Variants in MAP3K5 observed in about 807,000 individuals in gnomAD.
The protein encoded by MAP3K5 is mitogen-activated protein kinase kinase kinase 5, also known as ASK-1.
MAP3K5 carries 56 observed loss-of-function variants against 158.7 expected under a neutral mutation model. The ratio of observed to expected loss-of-function variants is 0.35; its 90% CI spans 0.28 to 0.44. The LOEUF is 0.44. MAP3K5 is among the 20% of genes least tolerant of loss of function. MAP3K5 has a pLI of 1.00. For synonymous variants in MAP3K5, 579 were observed against 601.7 expected (o/e 0.96, Z 0.55); for missense variants, 1,294 against 1,674.8 (o/e 0.77, Z 3.97).
intron 29 of MAP3K5, among the ~76,000 whole-genome samples, chr6:136,558,253 C>T (rs1382137149): frequency 6.6e-6 from 1 of 152,064 alleles, no homozygotes; most frequent in Non-Finnish European, 1.5e-5. Context: ...GTGGTGGGCG[C>T]CTATAGTCCC....
In MAP3K5 at chr6:136,613,075, C is replaced by G. The variant is rs757247602; in HGVS notation, c.2415+45G>C. On this transcript the variant is annotated intron_variant, in intron 17 of 29. Transcript: ENST00000359015. This position sits in a 1 kb window ranked among gnomAD's most constrained non-coding sequence, Gnocchi z 4.0. Reference sequence around the variant, plus strand: ...TGACTTTTGCAAGTAAAATAATAACCCAGCAAAGAAAGAACTCATGAAAAT... The same window carrying G: ...TGACTTTTGCAAGTAAAATAATAACGCAGCAAAGAAAGAACTCATGAAAAT... 1 of 1,538,334 alleles carries G rather than the reference C, an allele frequency of 6.5e-7. No homozygotes were observed. Among genetic ancestry groups the G allele is most frequent in the Admixed American group, 2.0e-5 (1 of 49,716 alleles).
At chr6:136,641,137 A>T (rs1165924647) in intron 12 of MAP3K5, among the ~76,000 whole-genome samples, 1 of 152,210 alleles carries the variant, frequency 6.6e-6, no homozygotes, top group East Asian at 1.9e-4. Flanking sequence ...TAAAAATTAA[A>T]TATTAAGAGT....
intron 2 of MAP3K5, among the ~76,000 whole-genome samples, chr6:136,718,169 T>C (rs1386743020): frequency 6.6e-6 from 1 of 152,178 alleles, no homozygotes; most frequent in Non-Finnish European, 1.5e-5. Context: ...AGAAAATACA[T>C]CTTACAGAGC....
chr6:136,580,530 G>C, intron 24 of MAP3K5, 124 bp from the exon 25 acceptor site: 1 of 566,974 alleles, frequency 1.8e-6, no homozygotes, highest in Non-Finnish European at 3.2e-6. Flanking sequence ...TGAATTCTTT[G>C]TAATTCTTTA....
intron 1 of MAP3K5, among the ~76,000 whole-genome samples, chr6:136,744,654 C>T (rs1052737802): frequency 2.1e-4 from 32 of 151,800 alleles, no homozygotes; most frequent in African/African-American, 7.5e-4. Flanking sequence ...CTCACCAGCA[C>T]CTACACCAGG....
intron 1 of MAP3K5, among the ~76,000 whole-genome samples, chr6:136,779,523 T>C (rs1784529868): frequency 6.6e-6 from 1 of 151,928 alleles, no homozygotes. Context: ...TAGTACACAG[T>C]AATGCATGCT....
chr6:136,622,008 C>T (rs528157345), intron 15 of MAP3K5, among the ~76,000 whole-genome samples: 1 of 151,872 alleles, frequency 6.6e-6, no homozygotes, highest in East Asian at 1.9e-4. Flanking sequence ...CTGGCATGGA[C>T]CCAGGAGGTG....
intron 7 of MAP3K5, among the ~76,000 whole-genome samples, chr6:136,693,568 T>C (rs1216594552): frequency 6.6e-6 from 1 of 151,498 alleles, no homozygotes; most frequent in Non-Finnish European, 1.5e-5. Flanking sequence ...TACAAAATTA[T>C]ATTTTATTAT....
intron 1 of MAP3K5, among the ~76,000 whole-genome samples, chr6:136,745,552 A>G (rs78290956): frequency 0.013 from 1,903 of 152,106 alleles, 37 homozygotes; most frequent in African/African-American, 0.044. Flanking sequence ...GGAGTAGAGG[A>G]ATGCAGTGAC....
At chr6:136,646,752 T>C (rs1778275993) in intron 11 of MAP3K5, among the ~76,000 whole-genome samples, 2 of 152,270 alleles carry the variant, frequency 1.3e-5, no homozygotes, top group South Asian at 4.1e-4. Flanking sequence ...TGTGAGAACA[T>C]GTATGTGTAT....
intron 1 of MAP3K5, among the ~76,000 whole-genome samples, chr6:136,751,228 C>T (rs1291551152): frequency 6.6e-6 from 1 of 151,586 alleles, no homozygotes; most frequent in Non-Finnish European, 1.5e-5. Flanking sequence ...CCTGAACCTT[C>T]CCACACATGT....
At chr6:136,782,171 T>C (rs1313627353) in intron 1 of MAP3K5, among the ~76,000 whole-genome samples, 1 of 151,590 alleles carries the variant, frequency 6.6e-6, no homozygotes, top group Admixed American at 6.6e-5. Context: ...TTCCAACACT[T>C]TGGGAGGCTA....
chr6:136,591,715 T>C (rs1002301089), intron 23 of MAP3K5, among the ~76,000 whole-genome samples: 2 of 152,230 alleles, frequency 1.3e-5, no homozygotes, highest in Admixed American at 6.5e-5. Context: ...CCCTTCACCC[T>C]CCTTTTAAAT....
intron 1 of MAP3K5, among the ~76,000 whole-genome samples, chr6:136,756,202 T>C (rs1783472917): frequency 6.6e-6 from 1 of 151,582 alleles, no homozygotes. Context: ...CCTGTAGTCC[T>C]AGCTACTGGA....
intron 1 of MAP3K5, among the ~76,000 whole-genome samples, chr6:136,722,399 T>C (rs920339236): frequency 2.6e-5 from 4 of 152,188 alleles, no homozygotes; most frequent in Non-Finnish European, 5.9e-5. Context: ...TCATCTCTTA[T>C]GATCAATTTA....
At chr6:136,730,294 G>A (rs1482602284) in intron 1 of MAP3K5, among the ~76,000 whole-genome samples, 2 of 151,568 alleles carry the variant, frequency 1.3e-5, no homozygotes, top group Non-Finnish European at 2.9e-5. Context: ...CACCACAACT[G>A]GCCAAACTTT....
chr6:136,565,323 A>G (rs1313662665), intron 26 of MAP3K5, among the ~76,000 whole-genome samples: 1 of 152,252 alleles, frequency 6.6e-6, no homozygotes, highest in Non-Finnish European at 1.5e-5. Context: ...ATCTGCCATG[A>G]GGTCAATTTT....
At chr6:136,664,079 C>T (rs190483515) in intron 8 of MAP3K5, among the ~76,000 whole-genome samples, 181 of 152,248 alleles carry the variant, frequency 1.2e-3, no homozygotes, top group African/African-American at 3.7e-3. Flanking sequence ...GAGTAGCAGG[C>T]AAGTGAGCAA....
At chr6:136,723,564 T>G (rs1187981334) in intron 1 of MAP3K5, among the ~76,000 whole-genome samples, 1 of 152,200 alleles carries the variant, frequency 6.6e-6, no homozygotes, top group East Asian at 1.9e-4. Flanking sequence ...ATTATGAACA[T>G]TGATTACTTT....
Sources: gnomAD v4.1 joint callset for allele counts (sites outside exome capture counted in the v4.1 genomes callset) on GRCh38, gnomAD v4.1.1 for gene constraint, Gnocchi (gnomAD v3.1) non-coding constraint, MANE v1.5 for transcripts, NCBI Gene and HGNC (gene_info 2026-07-23, HGNC 2026-07-21) for gene names.